KLHL42: variants seen among roughly 807,000 people sequenced by gnomAD.
KLHL42 encodes the protein kelch-like protein 42.
A neutral mutation model predicts 32.7 loss-of-function variants in KLHL42; 27 were observed. The ratio of observed to expected loss-of-function variants is 0.83; its 90% CI spans 0.61 to 1.14. The LOEUF (loss-of-function observed/expected upper bound fraction) is 1.14, where lower values mean the gene tolerates loss of function less well. KLHL42 is among the 50% of genes most tolerant of loss of function. KLHL42 has a pLI of 0.00. For synonymous variants in KLHL42, 267 were observed against 248.2 expected (o/e 1.08, Z -0.71); for missense variants, 491 against 560.8 (o/e 0.88, Z 1.26).
chr12:27,780,803 A>T lies in KLHL42; in HGVS notation c.473A>T (p.His158Leu). 6.2e-7 allele frequency: 1 copy of T among 1,613,702 alleles called. No individual in the cohort carries two copies. Among genetic ancestry groups the T allele is most frequent in the Non-Finnish European group, 8.5e-7 (1 of 1,179,996 alleles). Residue 158 changes from histidine (H) to leucine (L), a missense_variant, in exon 1 of 3, where the codon CAC (histidine) becomes CTC (leucine). This residue lies in a region of KLHL42 where 248 missense variants were observed against 329.2 expected (regional missense o/e 0.75). Transcript: ENST00000381271. This position sits in a 1 kb window ranked among gnomAD's most constrained non-coding sequence, Gnocchi z 8.8. ...ACLRFMVVHF[H>L]EVLCKPQFHL... ...CTGCGCTTCATGGTCGTCCACTTCC[A>T]CGAGGTGCTGTGCAAGCCCCAGTTC...
chr12:27,783,411 G>A (rs2140812314), intron 1 of KLHL42, among the ~76,000 whole-genome samples: 1 of 152,188 alleles, frequency 6.6e-6, no homozygotes, highest in African/African-American at 2.4e-5. Context: ...AACAATAGGG[G>A]AAAAGTGTTT....
chr12:27,781,617 A>T (rs2062149046), intron 1 of KLHL42, among the ~76,000 whole-genome samples: 2 of 152,020 alleles, frequency 1.3e-5, no homozygotes, highest in Non-Finnish European at 2.9e-5. Context: ...ACTTTGGGGG[A>T]TTTTTTTCTG....
At chr12:27,783,426 A>G (rs1052181129) in intron 1 of KLHL42, among the ~76,000 whole-genome samples, 28 of 152,206 alleles carry the variant, frequency 1.8e-4, no homozygotes, top group Non-Finnish European at 2.8e-4. Flanking sequence ...GTGTTTATGT[A>G]TATTAATGTG....
Position 27,797,745 on chromosome 12 carries a change from C to T in KLHL42, c.1097C>T (p.Pro366Leu). The change falls in exon 3 of 3, where the codon CCC (proline) becomes CTC (leucine). Residue 366 changes from proline (P) to leucine (L), a missense_variant. Around this residue, in one of 4 missense-constraint regions of KLHL42, gnomAD observed 152 missense variants for 125.9 expected, o/e 1.21. Coordinates refer to ENST00000381271, the MANE Select transcript of KLHL42 (RefSeq NM_020782.2). ...AACATGAACATTTTGCAGTACTGCC[C>T]CTCTTCCGACATGTGGACGCTCTTT... ...DRNMNILQYC[P>L]SSDMWTLFET... 1 of 714,446 alleles carries T rather than the reference C, an allele frequency of 1.4e-6. No individual in the cohort carries two copies. Among genetic ancestry groups the T allele is most frequent in the South Asian group, 1.6e-5 (1 of 62,720 alleles). The allele number at this position is 714,446 out of a possible 1,614,324, so 44.3% of individuals were successfully genotyped here.
rs959782623 is a variant in KLHL42 at position 27,802,468 on chromosome 12, C to T, written c.*4302C>T. 1 of 152,544 alleles carries T rather than the reference C, an allele frequency of 6.6e-6. No homozygotes were observed. The highest frequency in any genetic ancestry group is 2.4e-5 in the African/African-American group (1 of 41,432). The allele number at this position is 152,544 out of a possible 1,614,324, so 9.4% of individuals were successfully genotyped here. On this transcript the variant is annotated 3_prime_UTR_variant, in exon 3 of 3. Coordinates refer to ENST00000381271, the MANE Select transcript of KLHL42 (RefSeq NM_020782.2). ...TAATTATCAAAGGATAGTTTTTCAT[C>T]CTTAGATTTTATTCACATGAGAGAT...
At chr12:27,791,968 G>A (rs1233976657) in intron 2 of KLHL42, 67 bp downstream of exon 2, 2 of 1,361,342 alleles carry the variant, frequency 1.5e-6, no homozygotes, top group African/African-American at 2.9e-5. Flanking sequence ...AAGGGCAAGA[G>A]GGTGTCAGAG....
intron 1 of KLHL42, chr12:27,787,895 A>C (rs1448661653): frequency 6.6e-6 from 1 of 151,412 alleles, no homozygotes; most frequent in Non-Finnish European, 1.5e-5. Context: ...GTCTATTCAC[A>C]CTCCCCCCCA....
intron 1 of KLHL42, among the ~76,000 whole-genome samples, chr12:27,783,869 C>T (rs145313629): frequency 2.8e-3 from 432 of 152,282 alleles, no homozygotes; most frequent in African/African-American, 9.8e-3. Flanking sequence ...CAGGCGTGAG[C>T]CACCGCGCCC....
Position 27,780,560 on chromosome 12 carries a change from G to A in KLHL42, c.230G>A (p.Gly77Asp). Reference sequence around the variant, plus strand: ...ATCAACGCCGGCGGGGCCCGCGAAGGCTGGCTCCTGGGCCCGCGCGGGGAA... The same window carrying A: ...ATCAACGCCGGCGGGGCCCGCGAAGACTGGCTCCTGGGCCCGCGCGGGGAA... ...DFINAGGARE[G>D]WLLGPRGEKG... The change falls in exon 1 of 3, where the codon GGC (glycine) becomes GAC (aspartate). Residue 77 changes from glycine (G) to aspartate (D), a missense_variant. Physicochemically the swap from Gly to Asp is moderately conservative, Grantham distance 94. This residue lies in a region of KLHL42 where 248 missense variants were observed against 329.2 expected (regional missense o/e 0.75). Coordinates refer to ENST00000381271, the MANE Select transcript of KLHL42 (RefSeq NM_020782.2). The surrounding 1 kb of genome is among the most constrained non-coding windows in gnomAD (Gnocchi z 8.8). The A allele has an allele frequency of 6.5e-7, 1 of 1,534,172 alleles. No individual in the cohort carries two copies.
At position 27,801,404 on chromosome 12, in the gene KLHL42, T is replaced by C. The variant is rs2062246866; in HGVS notation, c.*3238T>C. On this transcript the variant is annotated 3_prime_UTR_variant, in exon 3 of 3. Coordinates refer to ENST00000381271, the MANE Select transcript of KLHL42 (RefSeq NM_020782.2). ...AGATTTCCAGGTGAAGTTCTGACCC[T>C]ACCTGTTTGGCCAAAGACGTAAATT... 1 of 152,230 alleles carries C rather than the reference T, an allele frequency of 6.6e-6. No individual in the cohort carries two copies. The highest frequency in any genetic ancestry group is 6.5e-5 in the Admixed American group (1 of 15,288). 9.4% of individuals were successfully genotyped at this position (152,230 alleles called of 1,614,324 possible). A position where few individuals can be genotyped will look rare whatever the true frequency, so the allele number is the denominator to read the frequency against.
intron 1 of KLHL42, among the ~76,000 whole-genome samples, chr12:27,782,740 T>C (rs1407272739): frequency 6.6e-6 from 1 of 151,498 alleles, no homozygotes; most frequent in Non-Finnish European, 1.5e-5. Context: ...TGTCTTTTTT[T>C]CTAGGAAGGC....
In KLHL42 at chr12:27,800,499, C is replaced by T. The variant is rs745473107; in HGVS notation, c.*2333C>T. The stretch of plus-strand genomic sequence containing the variant: ...AACAGATCTGTGCATTTTGTGACAT[C>T]GTCCTTCCTGCTGTGCACATCAGCT... On this transcript the variant is annotated 3_prime_UTR_variant, in exon 3 of 3. Coordinates refer to ENST00000381271, the MANE Select transcript of KLHL42 (RefSeq NM_020782.2). 7.5e-5 allele frequency: 32 copies of T among 424,340 alleles called. No individual in the cohort carries two copies. Among genetic ancestry groups the T allele is most frequent in the Non-Finnish European group, 9.1e-5 (29 of 317,394 alleles). The allele number at this position is 424,340 out of a possible 1,614,324, so 26.3% of individuals were successfully genotyped here.
At chr12:27,785,403 G>A (rs1049178138) in intron 1 of KLHL42, among the ~76,000 whole-genome samples, 1 of 151,934 alleles carries the variant, frequency 6.6e-6, no homozygotes, top group Non-Finnish European at 1.5e-5. Context: ...TGTAGAAATG[G>A]GGGCTATGTT....
intron 1 of KLHL42, among the ~76,000 whole-genome samples, chr12:27,786,755 C>G (rs946975102): frequency 3.0e-5 from 4 of 134,560 alleles, no homozygotes; most frequent in African/African-American, 1.2e-4. Context: ...CAGAGTCTCG[C>G]TCTGTCGCCC....
chr12:27,791,651 T>TA (rs759004964), intron 1 of KLHL42, 57 bp from the exon 2 acceptor site: 57 of 1,441,690 alleles, frequency 4.0e-5, no homozygotes, highest in Non-Finnish European at 5.2e-5. Context: ...ATGCCATTGT[T>TA]ACACTTTTCA....
At position 27,785,381 on chromosome 12, in the gene KLHL42, A is replaced by C. The variant is rs571397171; in HGVS notation, c.872+4179A>C. 1.8e-4 allele frequency among the ~76,000 whole-genome samples: 28 copies of C among 152,102 alleles called. 1 individual carries two copies. The Middle Eastern group carries it at 0.01, about 55-fold the overall frequency. ...TGCTTGGTTAATTTTTTAAAATTAA[A>C]ATTTTTTCTTTTGTAGAAATGGGGG... On this transcript the variant is annotated intron_variant, in intron 1 of 2. Transcript: ENST00000381271.
chr12:27,801,302 A>G lies in KLHL42; in HGVS notation c.*3136A>G, dbSNP rs142534469. The G allele has an allele frequency of 6.6e-6, 1 of 152,440 alleles. No individual in the cohort carries two copies. The highest frequency in any genetic ancestry group is 2.4e-5 in the African/African-American group (1 of 41,548). The allele number at this position is 152,440 out of a possible 1,614,324, so 9.4% of individuals were successfully genotyped here. A position where few individuals can be genotyped will look rare whatever the true frequency, so the allele number is the denominator to read the frequency against. ...GAGATGGGCAAAATTCTTTCTCTAC[A>G]AAGGGAGTAATCAAGTAAATACCTG... is the stretch of plus-strand genomic sequence containing the variant. On this transcript the variant is annotated 3_prime_UTR_variant, in exon 3 of 3. Coordinates refer to ENST00000381271, the MANE Select transcript of KLHL42 (RefSeq NM_020782.2).
At position 27,780,603 on chromosome 12, in the gene KLHL42, C is replaced by G. The variant is rs777891990; in HGVS notation, c.273C>G (p.Asp91Glu). The G allele has an allele frequency of 2.6e-6, 4 of 1,546,004 alleles. No individual in the cohort carries two copies. Among genetic ancestry groups the G allele is most frequent in the Non-Finnish European group, 3.5e-6 (4 of 1,148,348 alleles). The change falls in exon 1 of 3, where the codon GAC becomes GAG. Residue 91 changes from aspartate to glutamate, a missense_variant. Physicochemically the swap from Asp to Glu is conservative, Grantham distance 45. Around this residue, in one of 4 missense-constraint regions of KLHL42, gnomAD observed 248 missense variants for 329.2 expected, o/e 0.75. Coordinates refer to ENST00000381271, the MANE Select transcript of KLHL42 (RefSeq NM_020782.2). The surrounding 1 kb of genome is among the most constrained non-coding windows in gnomAD (Gnocchi z 8.8). ...GCGGGGAAAAGGGCGGCGGGGTGGACGAGGACGAGGAGATGGATGAGGTGA... is the reference window on the plus strand; with the variant it reads ...GCGGGGAAAAGGGCGGCGGGGTGGAGGAGGACGAGGAGATGGATGAGGTGA... ...GPRGEKGGGV[D>E]EDEEMDEVSL...
chr12:27,784,336 T>C (rs1591813899), intron 1 of KLHL42, among the ~76,000 whole-genome samples: 1 of 144,140 alleles, frequency 6.9e-6, no homozygotes, highest in South Asian at 2.2e-4. Flanking sequence ...AGAGAAGGGG[T>C]TTCACCTTGT....
Sources: allele counts gnomAD v4.1 joint callset (sites outside exome capture counted in the v4.1 genomes callset), GRCh38; gene constraint gnomAD v4.1.1; regional missense constraint gnomAD v4.1.1; non-coding constraint Gnocchi (gnomAD v3.1); transcripts MANE v1.5; gene names NCBI Gene and HGNC (gene_info 2026-07-23, HGNC 2026-07-21).